Variants in DNAH7 observed in about 807,000 individuals in gnomAD.
DNAH7 encodes the protein dynein axonemal heavy chain 7, also known as axonemal beta dynein heavy chain 7.
A neutral mutation model predicts 444.6 loss-of-function variants in DNAH7; 397 were observed. The ratio of observed to expected loss-of-function variants is 0.89; its 90% confidence interval spans 0.82 to 0.97. DNAH7 has a LOEUF of 0.97. DNAH7 is among the 50% of genes least tolerant of loss of function. The probability of loss-of-function intolerance (pLI) is 0.00; values close to 1 mark genes in which losing one functional copy is unlikely to be tolerated. For synonymous variants in DNAH7, 1,636 were observed against 1,624.4 expected, an observed-to-expected ratio of 1.01 and a Z score of -0.17; for missense variants, 4,902 against 4,800.8, an observed-to-expected ratio of 1.02 and a Z score of -0.62.
chr2:195,943,777 T>C (rs944754567), intron 19 of DNAH7, among the ~76,000 whole-genome samples: 5 of 152,298 alleles, frequency 3.3e-5, no homozygotes, highest in Admixed American at 3.3e-4. Context: ...AACTCTCAAA[T>C]GTTCTCCAAT....
chr2:195,957,831 A>G (rs758128075), intron 18 of DNAH7, among the ~76,000 whole-genome samples: 1 of 152,142 alleles, frequency 6.6e-6, no homozygotes, highest in Non-Finnish European at 1.5e-5. Context: ...TGGTTTCTGT[A>G]TATGTCATAG....
intron 9 of DNAH7, among the ~76,000 whole-genome samples, chr2:196,017,948 A>G (rs1695132498): frequency 6.6e-6 from 1 of 152,172 alleles, no homozygotes; most frequent in Non-Finnish European, 1.5e-5. Context: ...ATTTAACAGT[A>G]TAAAAATTTT....
chr2:195,807,639 G>T, intron 53 of DNAH7, among the ~76,000 whole-genome samples: 1 of 152,130 alleles, frequency 6.6e-6, no homozygotes, highest in East Asian at 1.9e-4. Flanking sequence ...GAAGCCAATT[G>T]AGAGCTATTA....
At chr2:195,792,166 C>CAAAA (rs34983984) in intron 57 of DNAH7, among the ~76,000 whole-genome samples, 18 of 54,432 alleles carry the variant, frequency 3.3e-4, no homozygotes, top group African/African-American at 1.1e-3. Flanking sequence ...GACCCTGTCT[C>CAAAA]AAAAAAAAAA....
At chr2:196,049,651 T>C (rs1474627909) in intron 3 of DNAH7, among the ~76,000 whole-genome samples, 3 of 152,142 alleles carry the variant, frequency 2.0e-5, no homozygotes, top group Non-Finnish European at 2.9e-5. Flanking sequence ...TGATTTCCCT[T>C]AAAACCCATA....
intron 61 of DNAH7, among the ~76,000 whole-genome samples, chr2:195,758,286 C>T (rs1301980803): frequency 6.6e-6 from 1 of 152,160 alleles, no homozygotes; most frequent in African/African-American, 2.4e-5. Flanking sequence ...TTATCAGATA[C>T]CAGAAAAGGC....
At chr2:195,758,633 G>C (rs145578196) in intron 61 of DNAH7, among the ~76,000 whole-genome samples, 6 of 152,284 alleles carry the variant, frequency 3.9e-5, no homozygotes, top group Non-Finnish European at 8.8e-5. Flanking sequence ...CACTGAAAGA[G>C]GCACTGAAGA....
At chr2:195,920,160 A>G (rs1415485546) in intron 24 of DNAH7, among the ~76,000 whole-genome samples, 1 of 152,176 alleles carries the variant, frequency 6.6e-6, no homozygotes, top group African/African-American at 2.4e-5. Flanking sequence ...ATTCAATACA[A>G]TTCCCACATC....
chr2:195,779,859 C>T (rs367555099), intron 58 of DNAH7, among the ~76,000 whole-genome samples: 2 of 152,132 alleles, frequency 1.3e-5, no homozygotes, highest in African/African-American at 2.4e-5. Context: ...ACTGCCTCAG[C>T]CTCCCAAAGT....
chr2:195,737,807 T>TAA lies in DNAH7; in HGVS notation c.*112_*113dup. ...TTGCTCATAAGTAAATTCATAATTA[T>TAA]AACTTTAGTCAAATGTATTTAAACA... On this transcript the variant is annotated 3_prime_UTR_variant, in exon 65 of 65. Transcript: ENST00000312428. The TAA allele has an allele frequency of 1.1e-6, 1 of 884,182 alleles. No homozygotes were observed. The allele number at this position is 884,182 out of a possible 1,614,324, so 54.8% of individuals were successfully genotyped here. A position where few individuals can be genotyped will look rare whatever the true frequency, so the allele number is the denominator to read the frequency against.
Position 195,957,450 on chromosome 2 carries a change from G to T in DNAH7, c.2892-3C>A. Reference sequence around the variant, plus strand: ...GTAGGAGCTTGCCCTCCCATTCTCTGAGGAGCAAAACACAGTGGCTCTTAC... The same window carrying T: ...GTAGGAGCTTGCCCTCCCATTCTCTTAGGAGCAAAACACAGTGGCTCTTAC... On this transcript the variant is annotated splice_region_variant and splice_polypyrimidine_tract_variant and intron_variant, in intron 18 of 64. Coordinates refer to ENST00000312428, the MANE Select transcript of DNAH7 (RefSeq NM_018897.3). 1 of 1,528,896 alleles carries T rather than the reference G, an allele frequency of 6.5e-7. No individual in the cohort carries two copies. Among genetic ancestry groups the T allele is most frequent in the Non-Finnish European group, 8.9e-7 (1 of 1,126,310 alleles). 94.7% of individuals were successfully genotyped at this position (1,528,896 alleles called of 1,614,324 possible).
chr2:195,817,796 C>T lies in DNAH7; in HGVS notation c.9325G>A (p.Gly3109Arg). 5 of 1,607,404 alleles carry T rather than the reference C, an allele frequency of 3.1e-6. No individual in the cohort carries two copies. The highest frequency in any genetic ancestry group is 4.2e-6 in the Non-Finnish European group (5 of 1,177,844). Residue 3109 changes from glycine to arginine, a missense_variant, in exon 50 of 65, where the codon GGA (glycine) becomes AGA (arginine). Transcript: ENST00000312428. ...ATTCCCAGAAGCTGATCTTGCATTC[C>T]CTCAGGGGTTATCATGAAGTTTAAT... Reference protein sequence around the residue: ...TLLNFMITPEGMQDQLLGIVV... With the variant: ...TLLNFMITPERMQDQLLGIVV...
chr2:196,025,477 C>G (rs1174496372), intron 7 of DNAH7, among the ~76,000 whole-genome samples: 2 of 152,112 alleles, frequency 1.3e-5, no homozygotes, highest in Non-Finnish European at 2.9e-5. Flanking sequence ...CAGATGCACC[C>G]TATGCTTTGG....
At chr2:195,950,851 CAAAAAAAA>C (rs67782183) in intron 19 of DNAH7, among the ~76,000 whole-genome samples, 3 of 36,714 alleles carry the variant, frequency 8.2e-5, no homozygotes, top group Non-Finnish European at 1.4e-4. Flanking sequence ...GACTCTGTCT[CAAAAAAAA>C]AAAAAAAAAA....
chr2:195,857,720 T>C lies in DNAH7; in HGVS notation c.8071A>G (p.Ile2691Val), dbSNP rs781374804. ...CTCTTCATGGATTTTACCACTGTAA[T>C]ATCCTTGAAATAACAACGTTAATTA... ...AALDTLTAQD[I>V]TVVKSMKSPP... The change falls in exon 44 of 65, where the codon ATT becomes GTT. Residue 2691 changes from isoleucine to valine, a missense_variant. Physicochemically the swap from Ile to Val is conservative, Grantham distance 29 (BLOSUM62 3). Coordinates refer to ENST00000312428, the MANE Select transcript of DNAH7 (RefSeq NM_018897.3). The C allele has an allele frequency of 6.3e-7, 1 of 1,576,046 alleles. No homozygotes were observed. Among genetic ancestry groups the C allele is most frequent in the Non-Finnish European group, 8.6e-7 (1 of 1,163,356 alleles).
rs545954678 is a variant in DNAH7 at position 195,814,891 on chromosome 2, C to T, written c.9761+1737G>A. Among the ~76,000 whole-genome samples the T allele has an allele frequency of 4.6e-5, 7 of 152,096 alleles. No homozygotes were observed. In the South Asian group the frequency reaches 1.0e-3, roughly 23 times the overall value. On this transcript the variant is annotated intron_variant, in intron 51 of 64. Coordinates refer to ENST00000312428, the MANE Select transcript of DNAH7 (RefSeq NM_018897.3). ...CAGTAGCTGGGACTACAAGCCCACA[C>T]CACCGTGCCCAGCTAAATTTTTGTA...
At chr2:195,816,197 C>A (rs1697211296) in intron 51 of DNAH7, among the ~76,000 whole-genome samples, 1 of 151,930 alleles carries the variant, frequency 6.6e-6, no homozygotes, top group Admixed American at 6.6e-5. Flanking sequence ...CACAAATAAT[C>A]GCAACAAGGC....
Position 195,926,538 on chromosome 2 carries a change from G to A in DNAH7, c.3500C>T (p.Thr1167Ile), listed in dbSNP as rs776073342. ...KVTGDATFAY[T>I]KYERINWVRD... Reference sequence around the variant, plus strand: ...TACCCAGTTAATTCGTTCATATTTTGTATAGGCAAAAGTTGCATCTCCAGT... The same window carrying A: ...TACCCAGTTAATTCGTTCATATTTTATATAGGCAAAAGTTGCATCTCCAGT... Residue 1167 changes from threonine to isoleucine, a missense_variant, in exon 22 of 65, where the codon ACA becomes ATA. Physicochemically the swap from Thr to Ile is moderately conservative, Grantham distance 89. Transcript: ENST00000312428. 3.1e-6 allele frequency: 5 copies of A among 1,600,242 alleles called. No homozygotes were observed. The highest frequency in any genetic ancestry group is 1.7e-5 in the Admixed American group (1 of 57,334).
At chr2:195,748,472 T>C (rs1014761427) in intron 63 of DNAH7, among the ~76,000 whole-genome samples, 6 of 152,146 alleles carry the variant, frequency 3.9e-5, no homozygotes, top group African/African-American at 9.7e-5. Flanking sequence ...CTTCACAGAA[T>C]TGGAAAAAAC....
Sources: allele counts gnomAD v4.1 joint callset (sites outside exome capture counted in the v4.1 genomes callset), GRCh38; gene constraint gnomAD v4.1.1; transcripts MANE v1.5; gene names NCBI Gene and HGNC (gene_info 2026-07-23, HGNC 2026-07-21).